The following REDIC1 variants were observed in gnomAD, a reference collection of about 807,000 sequenced individuals.
REDIC1 encodes the protein HEI10 Interacting Protein 1.
chr12:39,812,770 C>A, the REDIC1 span, among the ~76,000 whole-genome samples: 1 of 148,432 alleles, frequency 6.7e-6, no homozygotes, highest in Non-Finnish European at 1.5e-5. Context: ...TTGCACCTGG[C>A]GGTTTCTAAT....
the REDIC1 span, chr12:39,907,836 C>G: frequency 6.6e-6 from 1 of 152,186 alleles, no homozygotes; most frequent in Non-Finnish European, 1.5e-5. Context: ...CTGCTTCATT[C>G]TGAGCGTTCT....
At chr12:39,757,981 T>C in the REDIC1 span, 3 of 152,048 alleles carry the variant, frequency 2.0e-5, no homozygotes, top group Non-Finnish European at 3.0e-5. Flanking sequence ...TTGTACCATA[T>C]AGTAGCTTAT....
chr12:39,731,960 A>G, the REDIC1 span, among the ~76,000 whole-genome samples: 1 of 152,196 alleles, frequency 6.6e-6, no homozygotes, highest in Non-Finnish European at 1.5e-5. Flanking sequence ...ACCCAAGTGA[A>G]AAAACAGAAT....
chr12:39,863,410 G>T, the REDIC1 span, among the ~76,000 whole-genome samples: 1 of 151,954 alleles, frequency 6.6e-6, no homozygotes, highest in African/African-American at 2.4e-5. Context: ...ATAATTTTTA[G>T]GTGATTTTCT....
the REDIC1 span, among the ~76,000 whole-genome samples, chr12:39,711,452 T>TGC: frequency 1.4e-5 from 2 of 141,330 alleles, no homozygotes; most frequent in African/African-American, 5.2e-5. Context: ...TGTACATATA[T>TGC]ACACATATAC....
the REDIC1 span, among the ~76,000 whole-genome samples, chr12:39,847,191 C>A: frequency 6.6e-6 from 1 of 152,076 alleles, no homozygotes; most frequent in Non-Finnish European, 1.5e-5. Flanking sequence ...TTTGTACTTC[C>A]TGCTGTCAAG....
At chr12:39,819,953 CTT>C in the REDIC1 span, 1 of 152,374 alleles carries the variant, frequency 6.6e-6, no homozygotes, top group East Asian at 1.9e-4. Flanking sequence ...AGAAAAAACT[CTT>C]TATCTTTGCA....
chr12:39,667,581 G>A, the REDIC1 span, among the ~76,000 whole-genome samples: 1 of 152,280 alleles, frequency 6.6e-6, no homozygotes, highest in African/African-American at 2.4e-5. Context: ...TGTCTGTTAG[G>A]TCTGCTTGGT....
chr12:39,680,076 G>A, the REDIC1 span, among the ~76,000 whole-genome samples: 1 of 152,030 alleles, frequency 6.6e-6, no homozygotes, highest in African/African-American at 2.4e-5. Context: ...TGGCTTAGGC[G>A]AAGAATTCAT....
chr12:39,902,680 C>T, the REDIC1 span, among the ~76,000 whole-genome samples: 3 of 151,980 alleles, frequency 2.0e-5, no homozygotes, highest in Admixed American at 1.3e-4. Flanking sequence ...TTTTGCACTG[C>T]CTTATAACTA....
At chr12:39,647,947 A>G in the REDIC1 span, 3 of 1,580,758 alleles carry the variant, frequency 1.9e-6, no homozygotes, top group Non-Finnish European at 2.6e-6. Context: ...CTCCTCAGAA[A>G]CTTGCATATG....
the REDIC1 span, among the ~76,000 whole-genome samples, chr12:39,807,828 C>T: frequency 6.6e-6 from 1 of 152,002 alleles, no homozygotes; most frequent in African/African-American, 2.4e-5. Flanking sequence ...TTTTAATAAT[C>T]GTACCAGGAG....
the REDIC1 span, among the ~76,000 whole-genome samples, chr12:39,782,924 G>A: frequency 9.9e-5 from 15 of 152,042 alleles, no homozygotes; most frequent in Non-Finnish European, 2.1e-4. Context: ...ACAATGTGCA[G>A]GTTTGTTATG....
chr12:39,807,420 T>C, the REDIC1 span, among the ~76,000 whole-genome samples: 1 of 152,202 alleles, frequency 6.6e-6, no homozygotes, highest in Non-Finnish European at 1.5e-5. Flanking sequence ...ACCATAATTA[T>C]GCAAGTTGTT....
the REDIC1 span, among the ~76,000 whole-genome samples, chr12:39,897,769 T>C: frequency 3.3e-5 from 5 of 152,186 alleles, no homozygotes; most frequent in Non-Finnish European, 7.4e-5. Context: ...TAAAAAATCA[T>C]TTTCCTTCAT....
At chr12:39,765,616 G>A in the REDIC1 span, among the ~76,000 whole-genome samples, 24 of 152,102 alleles carry the variant, frequency 1.6e-4, no homozygotes, top group South Asian at 5.0e-3. Context: ...CCATATTTAT[G>A]AACTCATCAT....
At chr12:39,645,312 A>C in the REDIC1 span, among the ~76,000 whole-genome samples, 1 of 151,990 alleles carries the variant, frequency 6.6e-6, no homozygotes. Context: ...GCTGAGGATA[A>C]AACAGAAAGC....
the REDIC1 span, among the ~76,000 whole-genome samples, chr12:39,808,852 G>T: frequency 6.6e-6 from 1 of 151,772 alleles, no homozygotes; most frequent in Admixed American, 6.6e-5. Flanking sequence ...TAATACTTCC[G>T]GTCTGTGGCT....
chr12:39,696,467 C>T, the REDIC1 span, among the ~76,000 whole-genome samples: 28 of 131,958 alleles, frequency 2.1e-4, no homozygotes, highest in East Asian at 7.3e-4. Context: ...GGCGTGAACC[C>T]GGGAGGCGGA....
Sources: gnomAD v4.1 joint callset for allele counts (sites outside exome capture counted in the v4.1 genomes callset) on GRCh38, gnomAD v4.1.1 for gene constraint, MANE v1.5 for transcripts, NCBI Gene and HGNC (gene_info 2026-07-23, HGNC 2026-07-21) for gene names.